PHLPP2: variants seen among roughly 807,000 people sequenced by gnomAD.
PHLPP2 encodes PH domain leucine-rich repeat-containing protein phosphatase 2.
In PHLPP2, 66 loss-of-function variants were observed where a neutral mutation model predicts 124.9. The ratio of observed to expected loss-of-function variants is 0.53; its 90% CI spans 0.43 to 0.65. The LOEUF (loss-of-function observed/expected upper bound fraction) is 0.65, where lower values mean the gene tolerates loss of function less well. Ranked by LOEUF, PHLPP2 falls within the 30% of genes least tolerant of loss-of-function variation. The pLI, the probability that PHLPP2 is intolerant of heterozygous loss-of-function variation, is 0.00. For missense variants in PHLPP2, 1,685 were observed against 1,600.4 expected, an observed-to-expected ratio of 1.05 and a Z score of -0.90; for synonymous variants, 681 against 624.7, an observed-to-expected ratio of 1.09 and a Z score of -1.34.
chr16:71,676,732 G>C (rs2044949730), intron 8 of PHLPP2, 83 bp from the exon 9 acceptor site: 4 of 1,001,478 alleles, frequency 4.0e-6, no homozygotes, highest in Non-Finnish European at 6.1e-6. Flanking sequence ...AAATAGGACA[G>C]GTATGATCCC....
rs1597024028 is a variant in PHLPP2 at position 71,724,531 on chromosome 16, G to A, written c.-209C>T. 2 of 152,202 alleles carry A rather than the reference G, an allele frequency of 1.3e-5. No individual in the cohort carries two copies. Among genetic ancestry groups the A allele is most frequent in the African/African-American group, 4.8e-5 (2 of 41,432 alleles). The allele number at this position is 152,202 out of a possible 1,614,324, so 9.4% of individuals were successfully genotyped here. A position where few individuals can be genotyped will look rare whatever the true frequency, so the allele number is the denominator to read the frequency against. ...GACCCGGTTTATGATTTATTTGCAAGGCTGATTCAGAAAAAAACTTTTAAA... is the reference window on the plus strand; with the variant it reads ...GACCCGGTTTATGATTTATTTGCAAAGCTGATTCAGAAAAAAACTTTTAAA... On this transcript the variant is annotated 5_prime_UTR_variant, in exon 1 of 19. Transcript: ENST00000568954.
chr16:71,701,792 G>A (rs577675968), intron 3 of PHLPP2, among the ~76,000 whole-genome samples: 63 of 152,232 alleles, frequency 4.1e-4, no homozygotes, highest in Non-Finnish European at 8.2e-4. Flanking sequence ...TTGAGAGAGA[G>A]AACATTCACT....
chr16:71,702,465 G>T, intron 3 of PHLPP2, 133 bp downstream of exon 3: 1 of 612,812 alleles, frequency 1.6e-6, no homozygotes, highest in South Asian at 2.9e-5. Flanking sequence ...TGTTTGGTTG[G>T]TGTTAACTAC....
intron 3 of PHLPP2, among the ~76,000 whole-genome samples, chr16:71,700,511 ACTCATTTCTTTTTTTTTTTTTTTTTT>A (rs2045220757): frequency 1.4e-5 from 2 of 138,428 alleles, no homozygotes; most frequent in South Asian, 4.6e-4. Context: ...GTGTTTAGTG[ACTCATTTCTTTTTTTTTTTTTTTTTT>A]TTTTTTGAGA....
intron 3 of PHLPP2, among the ~76,000 whole-genome samples, chr16:71,691,374 T>C (rs2045110977): frequency 1.3e-5 from 2 of 151,844 alleles, no homozygotes; most frequent in Admixed American, 6.6e-5. Context: ...GGCAGGAGAA[T>C]GGCGTGAACC....
chr16:71,676,402 C>A, intron 9 of PHLPP2, 45 bp downstream of exon 9: 1 of 1,481,882 alleles, frequency 6.7e-7, no homozygotes, highest in Non-Finnish European at 9.4e-7. Context: ...AAAGCACTGA[C>A]AACAGCTGAA....
chr16:71,706,337 T>C (rs369127991), intron 2 of PHLPP2, among the ~76,000 whole-genome samples: 104 of 152,352 alleles, frequency 6.8e-4, no homozygotes, highest in African/African-American at 2.4e-3. Context: ...CATTCTGTAT[T>C]AGTTATTCTA....
intron 11 of PHLPP2, among the ~76,000 whole-genome samples, chr16:71,668,259 A>G (rs545348283): frequency 6.6e-6 from 1 of 151,752 alleles, no homozygotes; most frequent in East Asian, 1.9e-4. Flanking sequence ...AAAAATACAA[A>G]AAAAAATTTA....
Position 71,679,561 on chromosome 16 carries a change from A to G in PHLPP2, c.891-26T>C, listed in dbSNP as rs1394572911. The G allele has an allele frequency of 1.9e-6, 3 of 1,603,140 alleles. No individual in the cohort carries two copies. The Admixed American group carries it at 5.0e-5, about 27-fold the overall frequency. Reference sequence around the variant, plus strand: ...CTAAAGAGCAAAGGCAAAAATGGGTATTGCATTTCAATACATCTATTACTG... The same window carrying G: ...CTAAAGAGCAAAGGCAAAAATGGGTGTTGCATTTCAATACATCTATTACTG... On this transcript the variant is annotated intron_variant, in intron 6 of 18. Coordinates refer to ENST00000568954, the MANE Select transcript of PHLPP2 (RefSeq NM_015020.3).
chr16:71,693,960 G>A (rs1027786121), intron 3 of PHLPP2, among the ~76,000 whole-genome samples: 5 of 152,154 alleles, frequency 3.3e-5, no homozygotes, highest in African/African-American at 7.2e-5. Flanking sequence ...TGGGAGGCCC[G>A]GGCAGTTGGA....
intron 11 of PHLPP2, 103 bp downstream of exon 11, chr16:71,669,172 C>A: frequency 1.4e-6 from 1 of 709,234 alleles, no homozygotes; most frequent in Non-Finnish European, 2.5e-6. Context: ...AGGTACTCAA[C>A]ACACTGAACA....
At chr16:71,704,320 A>AAC (rs1487319039) in intron 2 of PHLPP2, among the ~76,000 whole-genome samples, 1 of 151,050 alleles carries the variant, frequency 6.6e-6, no homozygotes, top group Non-Finnish European at 1.5e-5. Flanking sequence ...AAAAAAAAAA[A>AAC]AAAAACTTAA....
intron 13 of PHLPP2, among the ~76,000 whole-genome samples, chr16:71,662,017 T>C (rs933356984): frequency 9.4e-5 from 14 of 149,452 alleles, no homozygotes; most frequent in African/African-American, 3.4e-4. Flanking sequence ...AGAGACGGGG[T>C]TTCACCATGT....
chr16:71,711,247 C>T (rs1375564479), intron 2 of PHLPP2, among the ~76,000 whole-genome samples: 1 of 151,886 alleles, frequency 6.6e-6, no homozygotes, highest in Non-Finnish European at 1.5e-5. Context: ...AGGAGAATCG[C>T]TTGAACCCAG....
At chr16:71,671,311 CT>C (rs761757463) in intron 10 of PHLPP2, among the ~76,000 whole-genome samples, 192 of 152,234 alleles carry the variant, frequency 1.3e-3, no homozygotes, top group Non-Finnish European at 2.2e-3. Context: ...CAGGTACTAT[CT>C]TATGCATTTT....
Position 71,656,798 on chromosome 16 carries a change from T to C in PHLPP2, c.2280-117A>G, listed in dbSNP as rs2044745850. ...GGAGTCTCCCTCTTGTCACCCAGGCTGGAGTGCAGTGGTGTGACCTCAGCT... is the reference window on the plus strand; with the variant it reads ...GGAGTCTCCCTCTTGTCACCCAGGCCGGAGTGCAGTGGTGTGACCTCAGCT... On this transcript the variant is annotated intron_variant, in intron 15 of 18. Coordinates refer to ENST00000568954, the MANE Select transcript of PHLPP2 (RefSeq NM_015020.3). 1.0e-5 allele frequency: 6 copies of C among 597,172 alleles called. No individual in the cohort carries two copies. In the Admixed American group the frequency reaches 1.6e-4, roughly 15 times the overall value. The allele number at this position is 597,172 out of a possible 1,614,324, so 37.0% of individuals were successfully genotyped here. A position where few individuals can be genotyped will look rare whatever the true frequency, so the allele number is the denominator to read the frequency against.
rs2045097008 is a variant in PHLPP2, at chr16:71,690,282, G to A, written c.609+237C>T. 2.0e-5 allele frequency among the ~76,000 whole-genome samples: 3 copies of A among 152,188 alleles called. No individual in the cohort carries two copies. The South Asian group carries it at 6.2e-4, about 32-fold the overall frequency. ...ATCCACTGTCTACTCTGGCTATTGT[G>A]AGCCCCAGAATCTAATGCCTAGCAG... is the stretch of plus-strand genomic sequence containing the variant. On this transcript the variant is annotated intron_variant, in intron 4 of 18. Transcript: ENST00000568954.
chr16:71,661,769 G>A (rs1039415646), intron 13 of PHLPP2, among the ~76,000 whole-genome samples: 1 of 152,150 alleles, frequency 6.6e-6, no homozygotes, highest in Non-Finnish European at 1.5e-5. Flanking sequence ...GAGGCCAGGA[G>A]TTCAAGACCA....
At chr16:71,720,390 T>C (rs1321573297) in intron 1 of PHLPP2, among the ~76,000 whole-genome samples, 2 of 152,132 alleles carry the variant, frequency 1.3e-5, no homozygotes, top group Non-Finnish European at 2.9e-5. Context: ...AGTGTTGGGA[T>C]TATAGTAGTT....
Sources: allele counts gnomAD v4.1 joint callset (sites outside exome capture counted in the v4.1 genomes callset), GRCh38; gene constraint gnomAD v4.1.1; transcripts MANE v1.5; gene names NCBI Gene and HGNC (gene_info 2026-07-23, HGNC 2026-07-21).